PMPCA: variants seen among roughly 807,000 people sequenced by gnomAD.
PMPCA encodes mitochondrial-processing peptidase subunit alpha.
A neutral mutation model predicts 59.3 loss-of-function variants in PMPCA; 47 were observed. That is an observed-to-expected ratio of 0.79 (90% CI 0.63 to 1.01). PMPCA has a LOEUF of 1.01. Among genes scored for constraint, PMPCA ranks in the 50% least tolerant of loss-of-function variants. The pLI, the probability that PMPCA is intolerant of heterozygous loss-of-function variation, is 0.00. For synonymous variants in PMPCA, 338 were observed against 290.3 expected, an observed-to-expected ratio of 1.16 and a Z score of -1.67; for missense variants, 726 against 704.5, an observed-to-expected ratio of 1.03 and a Z score of -0.34.
intron 11 of PMPCA, chr9:136,420,933 GAAAAA>G (rs900186870): frequency 7.4e-6 from 1 of 135,132 alleles, no homozygotes; most frequent in South Asian, 2.4e-4. Context: ...GTCTATTTAA[GAAAAA>G]AAAAAAAAAG....
chr9:136,422,168 C>T lies in PMPCA; in HGVS notation c.1408+192C>T, dbSNP rs367697404. ...TGGGGTCGCAGACCTGGTCTCACTT[C>T]CCGGCCCCACCATGCACCTGCTGCC... On this transcript the variant is annotated intron_variant, in intron 12 of 12. Transcript: ENST00000371717. 13 of 1,526,526 alleles carry T rather than the reference C, an allele frequency of 8.5e-6. No individual in the cohort carries two copies. The South Asian group carries it at 9.7e-5, about 11-fold the overall frequency. 94.6% of individuals were successfully genotyped at this position (1,526,526 alleles called of 1,614,324 possible).
rs371759569 is a variant in PMPCA, at chr9:136,418,511, C to T, written c.991-44C>T. On this transcript the variant is annotated intron_variant, in intron 8 of 12. Coordinates refer to ENST00000371717, the MANE Select transcript of PMPCA (RefSeq NM_015160.3). ...CCCTGGCGTCTGACGGTGCTCCTGA[C>T]GTGGCGTGGGTGGTTCAGCCAGCTC... 5.0e-5 allele frequency: 61 copies of T among 1,216,892 alleles called. 1 individual carries two copies. The East Asian group carries it at 1.1e-3, about 23-fold the overall frequency. 75.4% of individuals were successfully genotyped at this position (1,216,892 alleles called of 1,614,324 possible).
In PMPCA at chr9:136,418,126, G is replaced by A; in HGVS notation, c.990+17G>A. On this transcript the variant is annotated intron_variant, in intron 8 of 12. Transcript: ENST00000371717. ...TCCTTCCTGGTGAGTCCTGGTGCTGGGTCTGATGGCGTTCCTGATGCAGTG... is the reference window on the plus strand; with the variant it reads ...TCCTTCCTGGTGAGTCCTGGTGCTGAGTCTGATGGCGTTCCTGATGCAGTG... 6.4e-7 allele frequency: 1 copy of A among 1,567,212 alleles called. No individual in the cohort carries two copies. Among genetic ancestry groups the A allele is most frequent in the Non-Finnish European group, 8.8e-7 (1 of 1,137,190 alleles).
chr9:136,412,716 T>G (rs1295118845), intron 3 of PMPCA, 94 bp from the exon 4 acceptor site: 1 of 840,368 alleles, frequency 1.2e-6, no homozygotes, highest in African/African-American at 1.7e-5. Flanking sequence ...AATTTTTGTA[T>G]GTGTGTTAAA....
At chr9:136,422,214 C>G (rs1264291290) in intron 12 of PMPCA, 1 of 1,472,892 alleles carries the variant, frequency 6.8e-7, no homozygotes, top group Admixed American at 2.1e-5. Flanking sequence ...GTGACCCCAC[C>G]CTCTGCACCC....
At chr9:136,412,451 A>G (rs1312738368) in intron 2 of PMPCA, 39 bp from the exon 3 acceptor site, 2 of 962,594 alleles carry the variant, frequency 2.1e-6, no homozygotes, top group African/African-American at 1.6e-5. Flanking sequence ...CTTATTTTGA[A>G]TATCTGATGT....
At position 136,410,691 on chromosome 9, in the gene PMPCA, C is replaced by CGACGCGGTTGCT. The variant is rs1282613300; in HGVS notation, c.25_36dup (p.Thr9_Leu12dup). ...AAGATGGCGGCTGTGGTGCTGGCGG[C>CGACGCGGTTGCT]GACGCGGTTGCTGCGGGGCTCGGGT... On this transcript the variant is annotated inframe_insertion, in exon 1 of 13. Coordinates refer to ENST00000371717, the MANE Select transcript of PMPCA (RefSeq NM_015160.3). The CGACGCGGTTGCT allele has an allele frequency of 7.1e-7, 1 of 1,415,496 alleles. No homozygotes were observed. Among genetic ancestry groups the CGACGCGGTTGCT allele is most frequent in the Non-Finnish European group, 9.2e-7 (1 of 1,086,418 alleles). 87.7% of individuals were successfully genotyped at this position (1,415,496 alleles called of 1,614,324 possible).
rs968949903 is a variant in PMPCA, at chr9:136,412,299, C to T, written c.274+100C>T. On this transcript the variant is annotated intron_variant, in intron 2 of 12. Transcript: ENST00000371717. ...ATTAGCATGCCAATTATGAATTGTA[C>T]CCTGAGTGGAAACAAAGTGTACGAT... 1.8e-5 allele frequency: 17 copies of T among 950,362 alleles called. No homozygotes were observed. The African/African-American group carries it at 2.3e-4, about 13-fold the overall frequency. 58.9% of individuals were successfully genotyped at this position (950,362 alleles called of 1,614,324 possible).
At chr9:136,422,999 G>T in intron 12 of PMPCA, 96 bp from the exon 13 acceptor site, 1 of 1,493,474 alleles carries the variant, frequency 6.7e-7, no homozygotes, top group Admixed American at 2.1e-5. Context: ...TGAGTGAGTG[G>T]TACAGACCAG....
At chr9:136,421,575 A>C (rs1026630080) in intron 11 of PMPCA, among the ~76,000 whole-genome samples, 28 of 151,862 alleles carry the variant, frequency 1.8e-4, no homozygotes, top group Non-Finnish European at 2.8e-4. Context: ...ACGCCCAGCT[A>C]ATTTCTTTTT....
intron 11 of PMPCA, 60 bp downstream of exon 11, chr9:136,419,166 C>A (rs374123728): frequency 6.9e-7 from 1 of 1,455,998 alleles, no homozygotes; most frequent in Non-Finnish European, 9.7e-7. Flanking sequence ...GAGACAGCCA[C>A]GTTGTAGGAG....
chr9:136,413,231 T>G (rs985262882), intron 4 of PMPCA, among the ~76,000 whole-genome samples: 5 of 152,168 alleles, frequency 3.3e-5, no homozygotes, highest in African/African-American at 1.2e-4. Flanking sequence ...TGACTTGGTC[T>G]GGAGTTGGGA....
chr9:136,419,886 C>G (rs550643868), intron 11 of PMPCA: 1 of 152,174 alleles, frequency 6.6e-6, no homozygotes, highest in African/African-American at 2.4e-5. Flanking sequence ...CCATGCGTCC[C>G]TGTTTACTAA....
At chr9:136,418,779 C>G (rs1459708224) in intron 9 of PMPCA, 49 bp from the exon 10 acceptor site, 1 of 1,535,662 alleles carries the variant, frequency 6.5e-7, no homozygotes, top group Non-Finnish European at 9.0e-7. Flanking sequence ...TTCCCATGGC[C>G]TGATCCTGGC....
intron 5 of PMPCA, 77 bp from the exon 6 acceptor site, chr9:136,416,214 C>A: frequency 1.9e-6 from 2 of 1,065,628 alleles, no homozygotes; most frequent in Non-Finnish European, 2.9e-6. Flanking sequence ...CAGGCCAGCA[C>A]ACAAGCTGTG....
chr9:136,416,006 G>C, intron 5 of PMPCA: 1 of 529,104 alleles, frequency 1.9e-6, no homozygotes, highest in Non-Finnish European at 3.4e-6. Context: ...GACAGGTCCA[G>C]TGTCTTCGGT....
In PMPCA at chr9:136,410,684, C is replaced by T. The variant is rs751427408; in HGVS notation, c.16C>T (p.Leu6=). 7.1e-7 allele frequency: 1 copy of T among 1,415,654 alleles called. No individual in the cohort carries two copies. The highest frequency in any genetic ancestry group is 9.2e-7 in the Non-Finnish European group (1 of 1,086,328). The allele number at this position is 1,415,654 out of a possible 1,614,324, so 87.7% of individuals were successfully genotyped here. MAAVV[L]AATRLLRGSG... ...GAGACGCAAGATGGCGGCTGTGGTG[C>T]TGGCGGCGACGCGGTTGCTGCGGGG... is the stretch of plus-strand genomic sequence containing the variant. The change falls in exon 1 of 13, where the codon CTG becomes TTG. Residue 6 remains leucine, a synonymous_variant. Coordinates refer to ENST00000371717, the MANE Select transcript of PMPCA (RefSeq NM_015160.3).
chr9:136,423,140 T>C lies in PMPCA; in HGVS notation c.1454T>C (p.Leu485Pro). Reference protein sequence around the residue: ...EDVKRVASKMLRGKPAVAALG... With the variant: ...EDVKRVASKMPRGKPAVAALG... ...GTGAAGAGAGTCGCTTCTAAGATGC[T>C]CCGAGGGAAGCCGGCAGTGGCCGCC... The change falls in exon 13 of 13, where the codon CTC (leucine) becomes CCC (proline). Residue 485 changes from leucine to proline, a missense_variant. By Grantham distance (98) the Leu-to-Pro change is moderately conservative (BLOSUM62 -3). Transcript: ENST00000371717. 6.2e-7 allele frequency: 1 copy of C among 1,613,594 alleles called. No individual in the cohort carries two copies. Among genetic ancestry groups the C allele is most frequent in the Non-Finnish European group, 8.5e-7 (1 of 1,179,998 alleles).
Position 136,419,156 on chromosome 9 carries a change from G to A in PMPCA, c.1263+50G>A, listed in dbSNP as rs775371657. The A allele has an allele frequency of 2.6e-6, 4 of 1,515,952 alleles. No homozygotes were observed. The South Asian group carries it at 4.5e-5, about 17-fold the overall frequency. 93.9% of individuals were successfully genotyped at this position (1,515,952 alleles called of 1,614,324 possible). A position where few individuals can be genotyped will look rare whatever the true frequency, so the allele number is the denominator to read the frequency against. On this transcript the variant is annotated intron_variant, in intron 11 of 12. Coordinates refer to ENST00000371717, the MANE Select transcript of PMPCA (RefSeq NM_015160.3). ...CAGGCGTACCTGTGGTGTCTGACAG[G>A]AGACAGCCACGTTGTAGGAGTGGCC...
Sources: gnomAD v4.1 joint callset for allele counts (sites outside exome capture counted in the v4.1 genomes callset) on GRCh38, gnomAD v4.1.1 for gene constraint, MANE v1.5 for transcripts, NCBI Gene and HGNC (gene_info 2026-07-23, HGNC 2026-07-21) for gene names.